Variants in NOL4 observed in about 807,000 individuals in gnomAD.
NOL4 encodes the protein cancer/testis antigen 125.
Under a neutral mutation model 75.9 loss-of-function variants are expected in NOL4, and 17 were observed. The ratio of observed to expected loss-of-function variants is 0.22; its 90% CI spans 0.15 to 0.34. The LOEUF is 0.34. Among genes scored for constraint, NOL4 ranks in the 10% least tolerant of loss-of-function variants. The pLI is 1.00. For missense variants in NOL4, 614 were observed against 793.5 expected, an observed-to-expected ratio of 0.77 and a Z score of 2.72; for synonymous variants, 292 against 289.9, an observed-to-expected ratio of 1.01 and a Z score of -0.07.
chr18:34,022,861 A>G (rs946687731), intron 5 of NOL4, among the ~76,000 whole-genome samples: 6 of 152,096 alleles, frequency 3.9e-5, no homozygotes, highest in African/African-American at 1.2e-4. Context: ...ATCATTATGT[A>G]TATCTAATAA....
chr18:34,128,452 C>T (rs1241803166), intron 2 of NOL4, among the ~76,000 whole-genome samples: 5 of 151,880 alleles, frequency 3.3e-5, no homozygotes, highest in African/African-American at 1.2e-4. Context: ...GATCAATATA[C>T]ATTTATTTTT....
intron 8 of NOL4, among the ~76,000 whole-genome samples, chr18:33,947,352 G>C (rs1487271233): frequency 6.6e-6 from 1 of 151,610 alleles, no homozygotes; most frequent in Non-Finnish European, 1.5e-5. Flanking sequence ...GTGTGTTAGG[G>C]AATATGGTCA....
chr18:33,934,361 C>T (rs1263949273), intron 9 of NOL4, among the ~76,000 whole-genome samples: 7 of 152,084 alleles, frequency 4.6e-5, no homozygotes, highest in African/African-American at 1.7e-4. Flanking sequence ...GCTGCATTAG[C>T]CCCTAACAGT....
chr18:33,936,303 G>A (rs1349809437), intron 9 of NOL4, among the ~76,000 whole-genome samples: 1 of 151,030 alleles, frequency 6.6e-6, no homozygotes, highest in Non-Finnish European at 1.5e-5. Flanking sequence ...AGATGACAGT[G>A]AATTCACCAC....
intron 1 of NOL4, among the ~76,000 whole-genome samples, chr18:34,194,106 G>T (rs947220227): frequency 3.3e-5 from 5 of 152,060 alleles, no homozygotes; most frequent in Non-Finnish European, 7.4e-5. Flanking sequence ...TTGGCTAAAG[G>T]ATACAAAATT....
intron 9 of NOL4, among the ~76,000 whole-genome samples, chr18:33,913,514 C>T (rs1407421048): frequency 6.6e-6 from 1 of 152,032 alleles, no homozygotes; most frequent in East Asian, 1.9e-4. Flanking sequence ...CACAATGGTC[C>T]ACCTTTTTAA....
At chr18:34,059,116 GATATACAT>G (rs2076954318) in intron 5 of NOL4, among the ~76,000 whole-genome samples, 1 of 80,936 alleles carries the variant, frequency 1.2e-5, no homozygotes, top group South Asian at 5.1e-4. Context: ...GAGATAGATA[GATATACAT>G]ATATATATAT....
intron 9 of NOL4, among the ~76,000 whole-genome samples, chr18:33,892,509 G>A (rs528445388): frequency 2.0e-5 from 3 of 152,222 alleles, no homozygotes; most frequent in African/African-American, 4.8e-5. Flanking sequence ...ACAGCTGACA[G>A]CTTGCCTCCT....
intron 10 of NOL4, among the ~76,000 whole-genome samples, chr18:33,869,086 T>C (rs568192763): frequency 1.0e-3 from 156 of 152,034 alleles, no homozygotes; most frequent in African/African-American, 3.6e-3. Context: ...ACCTATGATA[T>C]GTCATCTGTA....
chr18:33,919,847 C>A (rs771195495), intron 9 of NOL4, among the ~76,000 whole-genome samples: 1 of 152,122 alleles, frequency 6.6e-6, no homozygotes, highest in African/African-American at 2.4e-5. Flanking sequence ...AACTGAATAA[C>A]TATGATTACA....
intron 10 of NOL4, among the ~76,000 whole-genome samples, chr18:33,875,862 T>A (rs971607048): frequency 1.3e-5 from 2 of 152,014 alleles, no homozygotes; most frequent in African/African-American, 2.4e-5. Flanking sequence ...AATGCATATG[T>A]ATAATGGGAA....
At chr18:33,895,005 G>T (rs1291691990) in intron 9 of NOL4, among the ~76,000 whole-genome samples, 2 of 152,114 alleles carry the variant, frequency 1.3e-5, no homozygotes, top group Admixed American at 6.6e-5. Context: ...ATAGGTAAAT[G>T]AAGTGATAGA....
intron 2 of NOL4, among the ~76,000 whole-genome samples, chr18:34,113,633 C>T (rs540390192): frequency 7.2e-6 from 1 of 139,004 alleles, no homozygotes; most frequent in Admixed American, 7.1e-5. Flanking sequence ...TGAGACAGTG[C>T]CTCTTAAAAA....
At chr18:34,203,717 T>TCTCTCACACA (rs1261546835) in intron 1 of NOL4, among the ~76,000 whole-genome samples, 3,622 of 72,178 alleles carry the variant, frequency 0.05, 181 homozygotes, top group Non-Finnish European at 0.072. Flanking sequence ...TCTCTCTCTC[T>TCTCTCACACA]CACACACACA....
chr18:34,057,768 A>C (rs2076892306), intron 5 of NOL4, among the ~76,000 whole-genome samples: 1 of 152,226 alleles, frequency 6.6e-6, no homozygotes, highest in South Asian at 2.1e-4. Context: ...CTAGTTGCAC[A>C]TTGCTATGGA....
At chr18:34,173,514 G>T (rs1246343360) in intron 1 of NOL4, among the ~76,000 whole-genome samples, 1 of 151,772 alleles carries the variant, frequency 6.6e-6, no homozygotes, top group East Asian at 1.9e-4. Flanking sequence ...GTATACCTTG[G>T]ATATATAAAA....
At chr18:34,187,370 C>CTTTTTT (rs545524361) in intron 1 of NOL4, among the ~76,000 whole-genome samples, 39 of 78,344 alleles carry the variant, frequency 5.0e-4, no homozygotes, top group African/African-American at 8.0e-4. Flanking sequence ...TAGTCCACTT[C>CTTTTTT]TTTTTTTTTT....
At chr18:34,213,713 C>G (rs1446114527) in intron 1 of NOL4, among the ~76,000 whole-genome samples, 1 of 152,200 alleles carries the variant, frequency 6.6e-6, no homozygotes, top group Non-Finnish European at 1.5e-5. Flanking sequence ...TGGGATGAGG[C>G]AGCAAGAAGG....
At chr18:33,951,514 C>T (rs376722656) in intron 8 of NOL4, among the ~76,000 whole-genome samples, 30 of 151,996 alleles carry the variant, frequency 2.0e-4, no homozygotes, top group African/African-American at 7.2e-4. Context: ...GGATTGAGGT[C>T]CAATCAATTC....
Sources: allele counts gnomAD v4.1 joint callset (sites outside exome capture counted in the v4.1 genomes callset), GRCh38; gene constraint gnomAD v4.1.1; transcripts MANE v1.5; gene names NCBI Gene and HGNC (gene_info 2026-07-23, HGNC 2026-07-21).